The following HSF2BP variants were observed in gnomAD, a reference collection of about 807,000 sequenced individuals.
HSF2BP encodes heat shock factor 2-binding protein.
A neutral mutation model predicts 35.0 loss-of-function variants in HSF2BP; 35 were observed. That is an observed-to-expected ratio of 1.00 (90% CI 0.76 to 1.32). HSF2BP has a LOEUF of 1.32. Among genes scored for constraint, HSF2BP ranks in the 40% most tolerant of loss-of-function variants. HSF2BP has a pLI of 0.00. For synonymous variants in HSF2BP, 114 were observed against 117.4 expected (o/e 0.97, Z 0.18); for missense variants, 326 against 321.7 (o/e 1.01, Z -0.10).
In HSF2BP at chr21:43,638,711, T is replaced by C. The variant is rs369480410; in HGVS notation, c.292-5290A>G. On this transcript the variant is annotated intron_variant, in intron 4 of 8. Coordinates refer to ENST00000291560, the MANE Select transcript of HSF2BP (RefSeq NM_007031.2). ...TGTTTATGAATTGAAAGATTCAACA[T>C]AGTAAAGATATCAATTCTCTACAAA... Among the ~76,000 whole-genome samples the C allele has an allele frequency of 1.3e-3, 202 of 152,320 alleles. 3 individuals carry two copies. Among genetic ancestry groups the C allele is most frequent in the African/African-American group, 4.6e-3 (193 of 41,572 alleles).
intron 8 of HSF2BP, among the ~76,000 whole-genome samples, chr21:43,574,877 C>T (rs562615283): frequency 2.3e-4 from 35 of 152,288 alleles, no homozygotes; most frequent in African/African-American, 7.7e-4. Flanking sequence ...TCTTCTCTCC[C>T]GATGAAGGGA....
intron 4 of HSF2BP, among the ~76,000 whole-genome samples, chr21:43,643,513 T>C (rs2082667067): frequency 6.6e-6 from 1 of 152,196 alleles, no homozygotes; most frequent in African/African-American, 2.4e-5. Context: ...TTTCTCTCTC[T>C]TGCTTTCTCT....
intron 8 of HSF2BP, among the ~76,000 whole-genome samples, chr21:43,587,882 A>G (rs2081875515): frequency 6.6e-6 from 1 of 152,172 alleles, no homozygotes; most frequent in Admixed American, 6.5e-5. Context: ...GAAACTCATT[A>G]CAATTTTCAC....
At chr21:43,610,809 C>G (rs959871588) in intron 7 of HSF2BP, among the ~76,000 whole-genome samples, 12 of 152,122 alleles carry the variant, frequency 7.9e-5, no homozygotes, top group African/African-American at 2.9e-4. Context: ...CAAATATTTC[C>G]TCTGGGAAAA....
chr21:43,577,789 ATTGTGATCTG>A (rs1480984754), intron 8 of HSF2BP, among the ~76,000 whole-genome samples: 1 of 152,210 alleles, frequency 6.6e-6, no homozygotes, highest in African/African-American at 2.4e-5. Context: ...ACATTCCACC[ATTGTGATCTG>A]TTCCTGCCCC....
At chr21:43,600,814 G>A (rs2082042681) in intron 7 of HSF2BP, among the ~76,000 whole-genome samples, 1 of 152,172 alleles carries the variant, frequency 6.6e-6, no homozygotes. Flanking sequence ...CCAAAGGCGT[G>A]CTTCAGGGAG....
intron 1 of HSF2BP, among the ~76,000 whole-genome samples, chr21:43,658,896 A>G (rs866237658): frequency 7.2e-5 from 11 of 152,136 alleles, no homozygotes; most frequent in Admixed American, 2.0e-4. Flanking sequence ...CTTTCCTTCC[A>G]GTCTCAACTC....
At chr21:43,596,904 A>AAAGAG (rs1555859800) in intron 7 of HSF2BP, among the ~76,000 whole-genome samples, 4,854 of 135,972 alleles carry the variant, frequency 0.036, 296 homozygotes, top group East Asian at 0.096. Context: ...AAAAAAAAAA[A>AAAGAG]AGAGAATTTT....
chr21:43,574,848 C>T (rs889388686), intron 8 of HSF2BP, among the ~76,000 whole-genome samples: 10 of 152,180 alleles, frequency 6.6e-5, no homozygotes, highest in Non-Finnish European at 1.5e-4. Flanking sequence ...ACGGGGGTGC[C>T]GTCAACCCAG....
chr21:43,656,552 G>A lies in HSF2BP; in HGVS notation c.187+35C>T, dbSNP rs755946023. On this transcript the variant is annotated intron_variant, in intron 3 of 8. Coordinates refer to ENST00000291560, the MANE Select transcript of HSF2BP (RefSeq NM_007031.2). Reference sequence around the variant, plus strand: ...GGTAAATCTGCTAGAACAAATTACTGTTACCACCAATGACTGCTGAAAATG... The same window carrying A: ...GGTAAATCTGCTAGAACAAATTACTATTACCACCAATGACTGCTGAAAATG... 26 of 1,590,100 alleles carry A rather than the reference G, an allele frequency of 1.6e-5. No homozygotes were observed. In the East Asian group the frequency reaches 3.1e-4, roughly 19 times the overall value.
At chr21:43,641,915 CA>C (rs60587366) in intron 4 of HSF2BP, among the ~76,000 whole-genome samples, 84 of 114,030 alleles carry the variant, frequency 7.4e-4, no homozygotes, top group Admixed American at 8.9e-4. Flanking sequence ...GACTCTGTCT[CA>C]AAAAAAAAAA....
At position 43,633,441 on chromosome 21, in the gene HSF2BP, G is replaced by C. The variant is rs777540530; in HGVS notation, c.292-20C>G. ...TTTCTCCTAAAAGCAAAACAAAATT[G>C]AAAAATAAATAATAGCATTCAACCT... is the stretch of plus-strand genomic sequence containing the variant. On this transcript the variant is annotated intron_variant, in intron 4 of 8. Transcript: ENST00000291560. 6.3e-7 allele frequency: 1 copy of C among 1,590,460 alleles called. No individual in the cohort carries two copies. The highest frequency in any genetic ancestry group is 1.4e-5 in the African/African-American group (1 of 73,642).
At chr21:43,632,179 C>A (rs1488351481) in intron 5 of HSF2BP, among the ~76,000 whole-genome samples, 7 of 110,756 alleles carry the variant, frequency 6.3e-5, no homozygotes, top group African/African-American at 1.5e-4. Flanking sequence ...ACACGCTCCC[C>A]CACACACACA....
At chr21:43,625,348 A>G (rs1397043487) in intron 6 of HSF2BP, among the ~76,000 whole-genome samples, 2 of 152,110 alleles carry the variant, frequency 1.3e-5, no homozygotes, top group African/African-American at 2.4e-5. Context: ...AAGGCAGCAA[A>G]AAAAATAAAA....
At chr21:43,586,789 CT>C (rs145960743) in intron 8 of HSF2BP, among the ~76,000 whole-genome samples, 2,940 of 151,528 alleles carry the variant, frequency 0.019, 115 homozygotes, top group African/African-American at 0.066. Flanking sequence ...ATAATGAGAT[CT>C]TTTTTTTCCT....
At chr21:43,625,314 T>G (rs1305183727) in intron 6 of HSF2BP, among the ~76,000 whole-genome samples, 1 of 151,804 alleles carries the variant, frequency 6.6e-6, no homozygotes, top group Non-Finnish European at 1.5e-5. Flanking sequence ...CTTGCTCACC[T>G]GGGGCATATG....
At chr21:43,611,669 C>T (rs1204300642) in intron 7 of HSF2BP, among the ~76,000 whole-genome samples, 2 of 152,160 alleles carry the variant, frequency 1.3e-5, no homozygotes, top group Non-Finnish European at 2.9e-5. Context: ...CAACCAAGCA[C>T]GGTAGCAGTG....
At chr21:43,499,821 C>A in the HSF2BP span, among the ~76,000 whole-genome samples, 2 of 124,424 alleles carry the variant, frequency 1.6e-5, 1 homozygote, top group Non-Finnish European at 3.7e-5. Flanking sequence ...TGCACACTCA[C>A]ACCAAACTCA....
intron 4 of HSF2BP, among the ~76,000 whole-genome samples, chr21:43,636,894 C>CAAAAAAAAA (rs34578952): frequency 2.1e-4 from 23 of 112,024 alleles, no homozygotes; most frequent in Non-Finnish European, 3.5e-4. Context: ...CGTCTCAAAA[C>CAAAAAAAAA]AAAAAAAAAA....
Sources: allele counts gnomAD v4.1 joint callset (sites outside exome capture counted in the v4.1 genomes callset), GRCh38; gene constraint gnomAD v4.1.1; transcripts MANE v1.5; gene names NCBI Gene and HGNC (gene_info 2026-07-23, HGNC 2026-07-21).